Variants in SLC7A5 observed in about 807,000 individuals in gnomAD.
SLC7A5 encodes solute carrier family 7 member 5.
Under a neutral mutation model 50.2 loss-of-function variants are expected in SLC7A5, and 23 were observed. The ratio of observed to expected loss-of-function variants is 0.46; its 90% CI spans 0.33 to 0.65. The LOEUF is 0.65. Among genes scored for constraint, SLC7A5 ranks in the 30% least tolerant of loss-of-function variants. The pLI, the probability that SLC7A5 is intolerant of heterozygous loss-of-function variation, is 0.02. For synonymous variants in SLC7A5, 393 were observed against 330.6 expected (o/e 1.19, Z -2.05); for missense variants, 578 against 684.4 (o/e 0.84, Z 1.73).
Position 87,853,498 on chromosome 16 carries a change from C to G in SLC7A5, c.539-1649G>C, listed in dbSNP as rs146150550. Among the ~76,000 whole-genome samples the G allele has an allele frequency of 7.2e-5, 11 of 152,284 alleles. No individual in the cohort carries two copies. The highest frequency in any genetic ancestry group is 1.9e-4 in the African/African-American group (8 of 41,542). ...GAAGAGGTGATTCTTCACCTCTTCCCAGGGCTCCCAGGGACATGGAGATGT... is the reference window on the plus strand; with the variant it reads ...GAAGAGGTGATTCTTCACCTCTTCCGAGGGCTCCCAGGGACATGGAGATGT... On this transcript the variant is annotated intron_variant, in intron 1 of 9. Transcript: ENST00000261622. The surrounding 1 kb of genome is among the most constrained non-coding windows in gnomAD (Gnocchi z 4.4).
chr16:87,847,332 G>A (rs1009247634), intron 2 of SLC7A5, among the ~76,000 whole-genome samples: 1 of 152,182 alleles, frequency 6.6e-6, no homozygotes, highest in Non-Finnish European at 1.5e-5. Context: ...ATCGTCTGGG[G>A]GCTGGACGCC....
At chr16:87,835,602 T>C (rs1053863098) in intron 8 of SLC7A5, among the ~76,000 whole-genome samples, 27 of 152,120 alleles carry the variant, frequency 1.8e-4, no homozygotes, top group Non-Finnish European at 3.2e-4. Flanking sequence ...ACCTCCCGAG[T>C]AGCTGCAACT....
rs374383962 is a variant in SLC7A5 at position 87,851,755 on chromosome 16, G to A, written c.633C>T (p.Ile211=). ...CGATCTGGACGAAGCCCAGCAGGATGATCAGGGCCAGGGCCAGGAGCTTGG... is the reference window on the plus strand; with the variant it reads ...CGATCTGGACGAAGCCCAGCAGGATAATCAGGGCCAGGGCCAGGAGCTTGG... ...AAAKLLALAL[I]ILLGFVQIGK... The change falls in exon 2 of 10, where the codon ATC becomes ATT. Residue 211 remains isoleucine (I), a synonymous_variant. Transcript: ENST00000261622. 4 of 1,613,086 alleles carry A rather than the reference G, an allele frequency of 2.5e-6. No individual in the cohort carries two copies. The highest frequency in any genetic ancestry group is 1.3e-5 in the African/African-American group (1 of 74,940).
chr16:87,849,713 C>CCTTG (rs2055196369), intron 2 of SLC7A5, among the ~76,000 whole-genome samples: 1 of 152,098 alleles, frequency 6.6e-6, no homozygotes, highest in Non-Finnish European at 1.5e-5. Flanking sequence ...GCTCGTCTTG[C>CCTTG]CTTGAGTAAG....
chr16:87,845,856 G>A (rs936562566), intron 2 of SLC7A5, among the ~76,000 whole-genome samples: 1 of 152,188 alleles, frequency 6.6e-6, no homozygotes, highest in Non-Finnish European at 1.5e-5. Flanking sequence ...TGCGTCTGAC[G>A]AAGGGCACCG....
At chr16:87,848,047 T>A (rs1299533159) in intron 2 of SLC7A5, among the ~76,000 whole-genome samples, 1 of 152,056 alleles carries the variant, frequency 6.6e-6, no homozygotes, top group Admixed American at 6.5e-5. Context: ...GGGGAAGCAT[T>A]TTCCCCTCCT....
At chr16:87,858,277 C>T (rs552030171) in intron 1 of SLC7A5, among the ~76,000 whole-genome samples, 4 of 152,316 alleles carry the variant, frequency 2.6e-5, no homozygotes, top group African/African-American at 9.6e-5. Context: ...ACGTGTCTTA[C>T]GGCGCCCCAT....
chr16:87,844,872 G>A (rs961760894), intron 2 of SLC7A5, among the ~76,000 whole-genome samples: 3 of 152,264 alleles, frequency 2.0e-5, no homozygotes, highest in South Asian at 2.1e-4. Context: ...GTGGAGCTGC[G>A]GGATGTGTCC....
intron 7 of SLC7A5, 159 bp from the exon 8 acceptor site, chr16:87,836,806 T>C (rs2055010218): frequency 2.9e-6 from 2 of 696,878 alleles, no homozygotes; most frequent in Non-Finnish European, 5.1e-6. Context: ...ATGCAAGGTC[T>C]TGAAGGAGGA....
In SLC7A5 at chr16:87,844,662, G is replaced by C. The variant is rs11117306; in HGVS notation, c.665-3507C>G. ...GAGCCTGCCCAGCGTGGGGAACATG[G>C]GAATGTGGAGATGGAGGGCATCCCG... On this transcript the variant is annotated intron_variant, in intron 2 of 9. Coordinates refer to ENST00000261622, the MANE Select transcript of SLC7A5 (RefSeq NM_003486.7). Among the ~76,000 whole-genome samples, 562 of 152,322 alleles carry C rather than the reference G, an allele frequency of 3.7e-3. 4 individuals carry two copies. Among genetic ancestry groups the C allele is most frequent in the African/African-American group, 0.013 (526 of 41,562 alleles).
In SLC7A5 at chr16:87,841,431, G is replaced by A. The variant is rs1260692413; in HGVS notation, c.665-276C>T. On this transcript the variant is annotated intron_variant, in intron 2 of 9. Transcript: ENST00000261622. This position sits in a 1 kb window ranked among gnomAD's most constrained non-coding sequence, Gnocchi z 4.8. Reference sequence around the variant, plus strand: ...GCCCAGGAGGGCTCCTCAGACGCTTGTCTACAGGAGGTCAGGATGGAGGGG... The same window carrying A: ...GCCCAGGAGGGCTCCTCAGACGCTTATCTACAGGAGGTCAGGATGGAGGGG... 6.6e-6 allele frequency among the ~76,000 whole-genome samples: 1 copy of A among 152,214 alleles called. No individual in the cohort carries two copies. Among genetic ancestry groups the A allele is most frequent in the African/African-American group, 2.4e-5 (1 of 41,460 alleles).
chr16:87,838,870 C>T (rs1567489387), intron 5 of SLC7A5, 53 bp from the exon 6 acceptor site: 8 of 1,369,680 alleles, frequency 5.8e-6, no homozygotes, highest in Non-Finnish European at 8.3e-6. Flanking sequence ...CCTCGCCCTC[C>T]CTGTGCTCAC....
intron 1 of SLC7A5, among the ~76,000 whole-genome samples, chr16:87,863,155 G>A (rs1469462494): frequency 6.6e-6 from 1 of 152,198 alleles, no homozygotes; most frequent in Non-Finnish European, 1.5e-5. Flanking sequence ...TTGGAGAAGT[G>A]ACTGAGACTG....
At position 87,862,865 on chromosome 16, in the gene SLC7A5, C is replaced by T. The variant is rs1265508410; in HGVS notation, c.538+6020G>A. The stretch of plus-strand genomic sequence containing the variant: ...TCACAGGTTCCTAAACGCATACCCG[C>T]CCACACCAATCTGCTGAGGAGTGAC... On this transcript the variant is annotated intron_variant, in intron 1 of 9. Coordinates refer to ENST00000261622, the MANE Select transcript of SLC7A5 (RefSeq NM_003486.7). The surrounding 1 kb of genome is among the most constrained non-coding windows in gnomAD (Gnocchi z 5.3). 6.6e-6 allele frequency among the ~76,000 whole-genome samples: 1 copy of T among 152,218 alleles called. No homozygotes were observed. Among genetic ancestry groups the T allele is most frequent in the Non-Finnish European group, 1.5e-5 (1 of 68,044 alleles).
chr16:87,834,885 A>C (rs1384589668), intron 8 of SLC7A5, among the ~76,000 whole-genome samples: 1 of 152,202 alleles, frequency 6.6e-6, no homozygotes, highest in Non-Finnish European at 1.5e-5. Flanking sequence ...CTCCATTCCC[A>C]CATCACAGGC....
rs2143822254 is a variant in SLC7A5 at position 87,860,482 on chromosome 16, C to T, written c.538+8403G>A. 6.6e-6 allele frequency among the ~76,000 whole-genome samples: 1 copy of T among 152,162 alleles called. No individual in the cohort carries two copies. Among genetic ancestry groups the T allele is most frequent in the East Asian group, 1.9e-4 (1 of 5,184 alleles). On this transcript the variant is annotated intron_variant, in intron 1 of 9. Coordinates refer to ENST00000261622, the MANE Select transcript of SLC7A5 (RefSeq NM_003486.7). The surrounding 1 kb of genome is among the most constrained non-coding windows in gnomAD (Gnocchi z 4.8). Reference sequence around the variant, plus strand: ...CCCGCCTTGGAGTTGTCCCGCCTTTCTCGGCAGAACCAACAAATACCTTTC... The same window carrying T: ...CCCGCCTTGGAGTTGTCCCGCCTTTTTCGGCAGAACCAACAAATACCTTTC...
At position 87,832,959 on chromosome 16, in the gene SLC7A5, C is replaced by T. The variant is rs199652278; in HGVS notation, c.*11G>A. ...TGCGCATGCTCCTCCGGCAGCCACT[C>T]GGCCTCCTGGCTATGTCTCCTGGGG... is the stretch of plus-strand genomic sequence containing the variant. On this transcript the variant is annotated 3_prime_UTR_variant, in exon 10 of 10. Coordinates refer to ENST00000261622, the MANE Select transcript of SLC7A5 (RefSeq NM_003486.7). The surrounding 1 kb of genome is among the most constrained non-coding windows in gnomAD (Gnocchi z 4.6). 115 of 1,611,388 alleles carry T rather than the reference C, an allele frequency of 7.1e-5. No homozygotes were observed. Among genetic ancestry groups the T allele is most frequent in the Non-Finnish European group, 8.7e-5 (103 of 1,177,688 alleles).
chr16:87,845,462 C>A (rs528920885), intron 2 of SLC7A5, among the ~76,000 whole-genome samples: 281 of 106,978 alleles, frequency 2.6e-3, no homozygotes, highest in Middle Eastern at 0.01. Flanking sequence ...CCACTCCAGG[C>A]AGAGTCCACG....
intron 7 of SLC7A5, chr16:87,837,548 C>T (rs1226917360): frequency 1.8e-5 from 8 of 440,710 alleles, no homozygotes; most frequent in African/African-American, 5.9e-5. Context: ...ACAGAGTGGG[C>T]GCCCACGGAG....
Sources: gnomAD v4.1 joint callset for allele counts (sites outside exome capture counted in the v4.1 genomes callset) on GRCh38, gnomAD v4.1.1 for gene constraint, Gnocchi (gnomAD v3.1) non-coding constraint, MANE v1.5 for transcripts, NCBI Gene and HGNC (gene_info 2026-07-23, HGNC 2026-07-21) for gene names.